The following SAFB variants were observed in gnomAD, a reference collection of about 807,000 sequenced individuals.
SAFB encodes scaffold attachment factor B1.
SAFB carries 15 observed loss-of-function variants against 101.6 expected under a neutral mutation model. The observed-to-expected ratio is 0.15, with a 90% confidence interval of 0.10 to 0.23. SAFB has a LOEUF of 0.23. SAFB is among the 10% of genes least tolerant of loss of function. The pLI, the probability that SAFB is intolerant of heterozygous loss-of-function variation, is 1.00. For synonymous variants in SAFB, 449 were observed against 407.5 expected (o/e 1.10, Z -1.23); for missense variants, 930 against 1,104.1 (o/e 0.84, Z 2.23).
At chr19:5,648,331 C>G (rs2053867839) in intron 6 of SAFB, 1 of 416,424 alleles carries the variant, frequency 2.4e-6, no homozygotes, top group Non-Finnish European at 4.3e-6. Context: ...AGAAAGAGTT[C>G]CAGATGCCTC....
rs753913003 is a variant in SAFB, at chr19:5,649,320, G to A, written c.969G>A (p.Ala323=). ...AGCCGGCAGTTGAGCAGAGTAGTGC[G>A]GCCTCCGAGCTCGCGGAGGCCTCTA... ...GLEPAVEQSS[A]ASELAEASSE... The change falls in exon 7 of 21, where the codon GCG becomes GCA. Residue 323 remains alanine, a synonymous_variant. Transcript: ENST00000588852. 7.1e-5 allele frequency: 26 copies of A among 367,432 alleles called. No homozygotes were observed. The African/African-American group carries it at 1.3e-3, about 18-fold the overall frequency. 22.8% of individuals were successfully genotyped at this position (367,432 alleles called of 1,614,324 possible).
At chr19:5,623,917 A>G (rs1441702382) in intron 1 of SAFB, 1 of 152,600 alleles carries the variant, frequency 6.6e-6, no homozygotes, top group Non-Finnish European at 1.5e-5. Context: ...CACCCGTAGG[A>G]CATACTCAAA....
At chr19:5,646,308 A>T (rs1200178972) in intron 5 of SAFB, among the ~76,000 whole-genome samples, 1 of 152,194 alleles carries the variant, frequency 6.6e-6, no homozygotes, top group Non-Finnish European at 1.5e-5. Flanking sequence ...CAGAGCTCCA[A>T]CCTTGAGGAG....
rs753968570 is a variant in SAFB at position 5,668,239 on chromosome 19, GC to G, written c.2704del (p.Gln902ArgfsTer34). ...PHGGMQGGFGGQSRGSRPSDA... is the reference protein window; with the variant it reads ...PHGGMQGGFGXQSRGSRPSDA... Reference sequence around the variant, plus strand: ...GGTGGCATGCAGGGCGGGTTTGGAGGCCAGAGCCGGGGGAGCAGGCCCAGCG... The same window carrying G: ...GGTGGCATGCAGGGCGGGTTTGGAGGCAGAGCCGGGGGAGCAGGCCCAGCG... On this transcript the variant is annotated frameshift_variant, in exon 21 of 21. Coordinates refer to ENST00000588852, the MANE Select transcript of SAFB (RefSeq NM_001201338.2). LOFTEE classifies it high-confidence loss of function. 1 of 1,611,202 alleles carries G rather than the reference GC, an allele frequency of 6.2e-7. No homozygotes were observed. Among genetic ancestry groups the G allele is most frequent in the Non-Finnish European group, 8.5e-7 (1 of 1,179,396 alleles).
intron 2 of SAFB, among the ~76,000 whole-genome samples, chr19:5,637,842 A>G (rs969136002): frequency 2.6e-5 from 4 of 152,212 alleles, no homozygotes; most frequent in African/African-American, 9.6e-5. Context: ...AAATGATGCT[A>G]CATTATGCCT....
At chr19:5,648,593 G>A (rs2053872752) in intron 6 of SAFB, among the ~76,000 whole-genome samples, 1 of 152,226 alleles carries the variant, frequency 6.6e-6, no homozygotes, top group African/African-American at 2.4e-5. Flanking sequence ...ATGTTGGACT[G>A]TTCTGTTAAA....
chr19:5,639,940 C>T (rs1194708120), intron 2 of SAFB, among the ~76,000 whole-genome samples: 8 of 151,918 alleles, frequency 5.3e-5, no homozygotes, highest in South Asian at 4.2e-4. Flanking sequence ...TGGGTTCAAG[C>T]GATTCTCCTG....
In SAFB at chr19:5,667,410, C is replaced by T. The variant is rs375619375; in HGVS notation, c.2517C>T (p.Ala839=). 3.1e-5 allele frequency: 47 copies of T among 1,516,384 alleles called. No individual in the cohort carries two copies. Among genetic ancestry groups the T allele is most frequent in the Non-Finnish European group, 3.5e-5 (40 of 1,138,134 alleles). The allele number at this position is 1,516,384 out of a possible 1,614,324, so 93.9% of individuals were successfully genotyped here. Residue 839 remains alanine, a synonymous_variant, in exon 19 of 21, where the codon GCC becomes GCT. Coordinates refer to ENST00000588852, the MANE Select transcript of SAFB (RefSeq NM_001201338.2). This position sits in a 1 kb window ranked among gnomAD's most constrained non-coding sequence, Gnocchi z 4.0. The part of the protein sequence containing the change: ...REDDRSWQGT[A]DGGMMDRDHK... ...ATGACCGGTCATGGCAGGGCACGGC[C>T]GACGGGGGCATGATGGACAGGGATC...
intron 2 of SAFB, among the ~76,000 whole-genome samples, chr19:5,629,248 T>A (rs146119738): frequency 6.6e-5 from 10 of 152,312 alleles, no homozygotes; most frequent in African/African-American, 2.4e-4. Flanking sequence ...CAAGACCCTG[T>A]GTCTAGAAAA....
chr19:5,640,814 C>T (rs1303729045), intron 2 of SAFB, among the ~76,000 whole-genome samples: 1 of 152,156 alleles, frequency 6.6e-6, no homozygotes, highest in Middle Eastern at 3.2e-3. Flanking sequence ...TGGTGTCAAA[C>T]TCCTGACCTC....
At chr19:5,631,532 T>A (rs1470761350) in intron 2 of SAFB, among the ~76,000 whole-genome samples, 1 of 152,216 alleles carries the variant, frequency 6.6e-6, no homozygotes, top group African/African-American at 2.4e-5. Flanking sequence ...GAGGGACTGC[T>A]GTAATGTGTG....
intron 2 of SAFB, 70 bp from the exon 3 acceptor site, chr19:5,641,524 G>A: frequency 7.9e-7 from 1 of 1,266,048 alleles, no homozygotes; most frequent in Non-Finnish European, 1.1e-6. Flanking sequence ...CTTGTGTAGT[G>A]CTCAGGGCAT....
chr19:5,650,502 C>T (rs1038659546), intron 8 of SAFB, among the ~76,000 whole-genome samples: 3 of 152,148 alleles, frequency 2.0e-5, no homozygotes, highest in Admixed American at 6.5e-5. Flanking sequence ...ACCTCTGACT[C>T]CCGGGTTCTA....
chr19:5,646,108 G>T (rs1284885391), intron 5 of SAFB, among the ~76,000 whole-genome samples: 1 of 152,082 alleles, frequency 6.6e-6, no homozygotes, highest in Non-Finnish European at 1.5e-5. Context: ...TAGGTAGCTG[G>T]CTAATTCTTA....
At chr19:5,633,127 T>C (rs1410002400) in intron 2 of SAFB, among the ~76,000 whole-genome samples, 2 of 152,278 alleles carry the variant, frequency 1.3e-5, no homozygotes, top group African/African-American at 2.4e-5. Context: ...TATTCATTTA[T>C]TCTGGTAGTT....
intron 16 of SAFB, 59 bp from the exon 17 acceptor site, chr19:5,664,338 C>A: frequency 6.6e-7 from 1 of 1,524,556 alleles, no homozygotes; most frequent in South Asian, 1.1e-5. Flanking sequence ...CCTGATGGTC[C>A]TCTCTTTGTG....
chr19:5,627,187 A>G (rs372975538), intron 2 of SAFB, among the ~76,000 whole-genome samples: 2,779 of 127,570 alleles, frequency 0.022, 50 homozygotes, highest in East Asian at 0.063. Flanking sequence ...CTTAAAAAAA[A>G]GGGGGGTGGG....
intron 1 of SAFB, 22 bp downstream of exon 1, chr19:5,623,416 C>T (rs748788714): frequency 2.8e-5 from 45 of 1,608,172 alleles, no homozygotes; most frequent in Non-Finnish European, 3.5e-5. Context: ...GCCCCGAGGG[C>T]GGGCACAGGG....
chr19:5,625,999 G>C (rs993070131), intron 1 of SAFB, among the ~76,000 whole-genome samples: 1 of 152,188 alleles, frequency 6.6e-6, no homozygotes, highest in African/African-American at 2.4e-5. Context: ...AGGGGAAATG[G>C]AGAGTGTGCC....
Sources: allele counts gnomAD v4.1 joint callset (sites outside exome capture counted in the v4.1 genomes callset), GRCh38; gene constraint gnomAD v4.1.1; non-coding constraint Gnocchi (gnomAD v3.1); transcripts MANE v1.5; gene names NCBI Gene and HGNC (gene_info 2026-07-23, HGNC 2026-07-21).